The following BRAT1 variants were observed in gnomAD, a reference collection of about 807,000 sequenced individuals.
BRAT1 encodes the protein BRCA1 associated ATM activator 1, also known as integrator complex assembly factor BRAT1.
BRAT1 carries 74 observed loss-of-function variants against 70.6 expected under a neutral mutation model. The observed-to-expected ratio is 1.05, with a 90% CI of 0.87 to 1.27. BRAT1 has a LOEUF of 1.27. BRAT1 is among the 50% of genes most tolerant of loss of function. The probability of loss-of-function intolerance (pLI) is 0.00; values close to 1 mark genes in which losing one functional copy is unlikely to be tolerated. For synonymous variants in BRAT1, 615 were observed against 517.1 expected, an observed-to-expected ratio of 1.19 and a Z score of -2.57; for missense variants, 1,203 against 1,098.2, an observed-to-expected ratio of 1.10 and a Z score of -1.35.
chr7:2,542,060 C>A, intron 7 of BRAT1, 60 bp downstream of exon 7: 1 of 1,421,792 alleles, frequency 7.0e-7, no homozygotes. Context: ...TCATCCATCT[C>A]CCTTCCCCCA....
chr7:2,552,033 G>A (rs1339814442), intron 2 of BRAT1, among the ~76,000 whole-genome samples: 6 of 130,454 alleles, frequency 4.6e-5, no homozygotes, highest in Non-Finnish European at 3.1e-5. Flanking sequence ...AATGTAAAAC[G>A]TGTAAGATGT....
At chr7:2,547,526 T>C (rs1167833552) in intron 2 of BRAT1, 48 bp from the exon 3 acceptor site, 2 of 1,592,442 alleles carry the variant, frequency 1.3e-6, no homozygotes, top group Admixed American at 3.4e-5. Flanking sequence ...CGGCACCAGG[T>C]GTCCCCCTGG....
At chr7:2,553,808 A>AT (rs1156875779) in intron 2 of BRAT1, among the ~76,000 whole-genome samples, 7 of 148,930 alleles carry the variant, frequency 4.7e-5, no homozygotes, top group African/African-American at 1.7e-4. Flanking sequence ...GGCACAGCTA[A>AT]TTTTTGTTTT....
chr7:2,540,078 C>A, intron 10 of BRAT1, 190 bp from the exon 11 acceptor site: 1 of 537,902 alleles, frequency 1.9e-6, no homozygotes, highest in Non-Finnish European at 3.3e-6. Context: ...CCAGGCTGGA[C>A]TGCAATCACA....
At position 2,543,564 on chromosome 7, in the gene BRAT1, C is replaced by G. The variant is rs753526648; in HGVS notation, c.803+26G>C. Reference sequence around the variant, plus strand: ...AGGAAAACAGTTGCCCACCCAGGCCCCCCAGCTGCGTCCCGGGGCCCTGAC... The same window carrying G: ...AGGAAAACAGTTGCCCACCCAGGCCGCCCAGCTGCGTCCCGGGGCCCTGAC... On this transcript the variant is annotated intron_variant, in intron 5 of 13. Transcript: ENST00000340611. The surrounding 1 kb of genome is among the most constrained non-coding windows in gnomAD (Gnocchi z 5.5). 48 of 1,504,106 alleles carry G rather than the reference C, an allele frequency of 3.2e-5. No individual in the cohort carries two copies. Among genetic ancestry groups the G allele is most frequent in the Admixed American group, 4.6e-5 (2 of 43,674 alleles). The allele number at this position is 1,504,106 out of a possible 1,614,324, so 93.2% of individuals were successfully genotyped here.
At position 2,537,973 on chromosome 7, in the gene BRAT1, G is replaced by A. The variant is rs148220310; in HGVS notation, c.*96C>T. 1.4e-4 allele frequency: 203 copies of A among 1,414,132 alleles called. 2 individuals carry two copies. The East Asian group carries it at 3.3e-3, about 23-fold the overall frequency. The allele number at this position is 1,414,132 out of a possible 1,614,324, so 87.6% of individuals were successfully genotyped here. A position where few individuals can be genotyped will look rare whatever the true frequency, so the allele number is the denominator to read the frequency against. On this transcript the variant is annotated 3_prime_UTR_variant, in exon 14 of 14. Coordinates refer to ENST00000340611, the MANE Select transcript of BRAT1 (RefSeq NM_152743.4). ...TCCTGGCTTCCCCAGAGGATCCACC[G>A]GGCTGGGCTGGAGCCCTGGGGCTGG...
At position 2,547,220 on chromosome 7, in the gene BRAT1, C is replaced by A. The variant is rs1289133673; in HGVS notation, c.282+104G>T. 16 of 1,451,558 alleles carry A rather than the reference C, an allele frequency of 1.1e-5. No homozygotes were observed. The Admixed American group carries it at 2.7e-4, about 24-fold the overall frequency. 89.9% of individuals were successfully genotyped at this position (1,451,558 alleles called of 1,614,324 possible). ...GAGGACACAGGGTCGGGGCAGGCCG[C>A]TGGGACTTGGGATGGTGATGGCTAC... On this transcript the variant is annotated intron_variant, in intron 3 of 13. Coordinates refer to ENST00000340611, the MANE Select transcript of BRAT1 (RefSeq NM_152743.4).
In BRAT1 at chr7:2,541,712, A is replaced by G. The variant is rs1583303256; in HGVS notation, c.1134+6T>C. ...CTGGGCTGCATGAGGACCGGGCCGC[A>G]CCTACCAGCGGCTGCAGCTCCTCCA... On this transcript the variant is annotated splice_donor_region_variant and intron_variant, in intron 8 of 13. Coordinates refer to ENST00000340611, the MANE Select transcript of BRAT1 (RefSeq NM_152743.4). 3 of 1,604,778 alleles carry G rather than the reference A, an allele frequency of 1.9e-6. No individual in the cohort carries two copies. The highest frequency in any genetic ancestry group is 1.7e-6 in the Non-Finnish European group (2 of 1,177,058).
At position 2,544,923 on chromosome 7, in the gene BRAT1, A is replaced by G; in HGVS notation, c.416T>C (p.Phe139Ser). ...SLAQHPSALR[F>S]LADHGAVDTI... ...GGCGCACTCACCATGGTCGGCCAGG[A>G]AGCGCAGGGCGCTGGGGTGCTGTGC... The change falls in exon 4 of 14, where the codon TTC becomes TCC. Residue 139 changes from phenylalanine (F) to serine (S), a missense_variant. Transcript: ENST00000340611. 1 of 1,551,494 alleles carries G rather than the reference A, an allele frequency of 6.4e-7. No homozygotes were observed. The highest frequency in any genetic ancestry group is 8.7e-7 in the Non-Finnish European group (1 of 1,147,618).
chr7:2,555,173 C>G (rs2128417045), intron 1 of BRAT1, among the ~76,000 whole-genome samples: 1 of 152,110 alleles, frequency 6.6e-6, no homozygotes, highest in Non-Finnish European at 1.5e-5. Context: ...ATCCGTGCGT[C>G]CAGCCTCGGG....
chr7:2,544,174 T>C (rs1011130133), intron 4 of BRAT1: 22 of 401,308 alleles, frequency 5.5e-5, no homozygotes, highest in Non-Finnish European at 8.4e-5. Flanking sequence ...CAGCTTGTGA[T>C]GCTTCCCAAT....
chr7:2,551,155 G>A (rs1779973502), intron 2 of BRAT1, among the ~76,000 whole-genome samples: 1 of 151,530 alleles, frequency 6.6e-6, no homozygotes, highest in African/African-American at 2.4e-5. Flanking sequence ...CAGGAGAATC[G>A]TTTGAAACCC....
chr7:2,548,520 GC>G (rs1779774305), intron 2 of BRAT1, among the ~76,000 whole-genome samples: 1 of 152,012 alleles, frequency 6.6e-6, no homozygotes, highest in South Asian at 2.1e-4. Context: ...AAAAAAATTA[GC>G]CCGGCATGGT....
At position 2,541,448 on chromosome 7, in the gene BRAT1, G is replaced by A; in HGVS notation, c.1171C>T (p.Leu391=). 1 of 1,568,180 alleles carries A rather than the reference G, an allele frequency of 6.4e-7. No individual in the cohort carries two copies. Among genetic ancestry groups the A allele is most frequent in the Non-Finnish European group, 8.6e-7 (1 of 1,157,574 alleles). The change falls in exon 9 of 14, where the codon CTG becomes TTG. Residue 391 remains leucine (L), a synonymous_variant. Transcript: ENST00000340611. Reference sequence around the variant, plus strand: ...CGCAGGACAGTCACTGTAGCCCCCAGTAGAGACGCCTGGGGCCACGGTGAA... The same window carrying A: ...CGCAGGACAGTCACTGTAGCCCCCAATAGAGACGCCTGGGGCCACGGTGAA... ...RPSPWPQASL[L]GATVTVLRLC...
chr7:2,541,255 C>A, intron 9 of BRAT1, 43 bp downstream of exon 9: 1 of 1,523,056 alleles, frequency 6.6e-7, no homozygotes, highest in Non-Finnish European at 8.8e-7. Flanking sequence ...AGAGTGGGGG[C>A]ACAGGGATAG....
At position 2,541,539 on chromosome 7, in the gene BRAT1, C is replaced by T. The variant is rs1450892576; in HGVS notation, c.1135-55G>A. ...TGCGGTCCCACTGCCGGCGTGGATGCAGGGGTGCTGGGACTTCGAGGCATG... is the reference window on the plus strand; with the variant it reads ...TGCGGTCCCACTGCCGGCGTGGATGTAGGGGTGCTGGGACTTCGAGGCATG... On this transcript the variant is annotated intron_variant, in intron 8 of 13. Coordinates refer to ENST00000340611, the MANE Select transcript of BRAT1 (RefSeq NM_152743.4). 6 of 1,497,720 alleles carry T rather than the reference C, an allele frequency of 4.0e-6. No individual in the cohort carries two copies. In the African/African-American group the frequency reaches 4.2e-5, roughly 10 times the overall value. 92.8% of individuals were successfully genotyped at this position (1,497,720 alleles called of 1,614,324 possible).
intron 2 of BRAT1, among the ~76,000 whole-genome samples, chr7:2,547,722 A>C (rs1183829182): frequency 6.6e-6 from 1 of 152,244 alleles, no homozygotes; most frequent in African/African-American, 2.4e-5. Context: ...CTTTCACAAC[A>C]GGTGAATGGC....
At position 2,538,117 on chromosome 7, in the gene BRAT1, C is replaced by G; in HGVS notation, c.2418G>C (p.Met806Ile). The change falls in exon 14 of 14, where the codon ATG (methionine) becomes ATC (isoleucine). Residue 806 changes from methionine (M) to isoleucine (I), a missense_variant. Transcript: ENST00000340611. ...CCTGCAGGAAGCCTCCCGTGGCCAG[C>G]ATGTCCTGCAGGAGGGACTGGGGAC... ...EKSPQSLLQD[M>I]LATGGFLQGD... 1.3e-6 allele frequency: 2 copies of G among 1,595,854 alleles called. No individual in the cohort carries two copies. Among genetic ancestry groups the G allele is most frequent in the South Asian group, 2.2e-5 (2 of 90,246 alleles).
chr7:2,539,054 GCAGGCGCTGCCCA>G, intron 13 of BRAT1, 112 bp downstream of exon 13: 2 of 1,462,316 alleles, frequency 1.4e-6, no homozygotes, highest in Non-Finnish European at 1.8e-6. Context: ...AGTCACTGCT[GCAGGCGCTGCCCA>G]CAGCAGCAGC....
Sources: gnomAD v4.1 joint callset for allele counts (sites outside exome capture counted in the v4.1 genomes callset) on GRCh38, gnomAD v4.1.1 for gene constraint, Gnocchi (gnomAD v3.1) non-coding constraint, MANE v1.5 for transcripts, NCBI Gene and HGNC (gene_info 2026-07-23, HGNC 2026-07-21) for gene names.